RPS6KA2: variants seen among roughly 807,000 people sequenced by gnomAD.
The protein encoded by RPS6KA2 is ribosomal protein S6 kinase alpha-2.
In RPS6KA2, 42 loss-of-function variants were observed where a neutral mutation model predicts 91.8. That is an observed-to-expected ratio of 0.46 (90% CI 0.36 to 0.59). The LOEUF (loss-of-function observed/expected upper bound fraction) is 0.59. Ranked by LOEUF, RPS6KA2 falls within the 20% of genes least tolerant of loss-of-function variation. The pLI is 0.00. For synonymous variants in RPS6KA2, 414 were observed against 393.6 expected (o/e 1.05, Z -0.61); for missense variants, 798 against 978.5 (o/e 0.82, Z 2.46).
chr6:166,679,124 TAGG>T (rs1333314389), intron 2 of RPS6KA2, among the ~76,000 whole-genome samples: 3 of 152,118 alleles, frequency 2.0e-5, no homozygotes, highest in South Asian at 2.1e-4. Flanking sequence ...GGCTATTCAG[TAGG>T]AGATGTTGCT....
At chr6:166,492,732 T>C (rs930714819) in intron 8 of RPS6KA2, among the ~76,000 whole-genome samples, 157 of 145,106 alleles carry the variant, frequency 1.1e-3, no homozygotes, top group Non-Finnish European at 1.8e-3. Flanking sequence ...TTTTTTTTTT[T>C]TTTGAGATGG....
At chr6:166,795,750 G>A (rs1401677177) in intron 2 of RPS6KA2, among the ~76,000 whole-genome samples, 2 of 152,216 alleles carry the variant, frequency 1.3e-5, no homozygotes, top group Non-Finnish European at 2.9e-5. Context: ...GGTGCAGTGT[G>A]TGGGCACCGT....
intron 1 of RPS6KA2, among the ~76,000 whole-genome samples, chr6:166,583,487 G>A (rs1776642201): frequency 1.3e-5 from 2 of 152,204 alleles, no homozygotes; most frequent in South Asian, 2.1e-4. Context: ...AGCATCCTGC[G>A]CACCTTCTCT....
At chr6:166,514,432 G>A (rs1233867875) in intron 3 of RPS6KA2, among the ~76,000 whole-genome samples, 1 of 152,186 alleles carries the variant, frequency 6.6e-6, no homozygotes, top group Non-Finnish European at 1.5e-5. Flanking sequence ...CAGAGGAGGG[G>A]CTAAGCCTTA....
intron 1 of RPS6KA2, among the ~76,000 whole-genome samples, chr6:166,580,529 A>G (rs1359693035): frequency 2.6e-5 from 4 of 152,368 alleles, no homozygotes; most frequent in East Asian, 1.9e-4. Flanking sequence ...AAGAAAGTTT[A>G]CAAATTTGTG....
chr6:166,734,653 G>T (rs1790624159), intron 2 of RPS6KA2, among the ~76,000 whole-genome samples: 1 of 122,144 alleles, frequency 8.2e-6, no homozygotes, highest in South Asian at 2.2e-4. Flanking sequence ...AGCACTGCAA[G>T]AGTCACTGGG....
intron 2 of RPS6KA2, among the ~76,000 whole-genome samples, chr6:166,758,957 C>CA (rs1350729423): frequency 6.6e-6 from 1 of 152,142 alleles, no homozygotes; most frequent in Admixed American, 6.5e-5. Context: ...TGGGTTCTAC[C>CA]AAAACAACTT....
chr6:166,775,289 C>T (rs1187709469), intron 2 of RPS6KA2, among the ~76,000 whole-genome samples: 1 of 149,298 alleles, frequency 6.7e-6, no homozygotes, highest in East Asian at 2.0e-4. Flanking sequence ...TATGCACAGC[C>T]CTCAGGAGCT....
At chr6:166,702,920 G>A (rs1789568771) in intron 2 of RPS6KA2, 1 of 662,142 alleles carries the variant, frequency 1.5e-6, no homozygotes, top group Non-Finnish European at 2.7e-6. Flanking sequence ...GATCCAGCTG[G>A]TTTTGTTCCC....
At chr6:166,601,904 A>T (rs1785744399) in intron 1 of RPS6KA2, among the ~76,000 whole-genome samples, 3 of 152,384 alleles carry the variant, frequency 2.0e-5, no homozygotes, top group Admixed American at 2.0e-4. Flanking sequence ...CTGCATAAAA[A>T]TTTAAAACTT....
At chr6:166,414,041 G>C in intron 19 of RPS6KA2, 110 bp from the exon 20 acceptor site, 1 of 953,548 alleles carries the variant, frequency 1.0e-6, no homozygotes, top group Non-Finnish European at 1.6e-6. Flanking sequence ...CAACCACTAT[G>C]CTGAGTGTGG....
At chr6:166,468,856 TAAAAA>T (rs1554277712) in intron 11 of RPS6KA2, among the ~76,000 whole-genome samples, 3 of 112,180 alleles carry the variant, frequency 2.7e-5, no homozygotes, top group South Asian at 2.7e-4. Flanking sequence ...AGAGCGAGAC[TAAAAA>T]AAAAAAAAAA....
chr6:166,839,131 T>C (rs1485387989), intron 2 of RPS6KA2, among the ~76,000 whole-genome samples: 3 of 152,170 alleles, frequency 2.0e-5, no homozygotes, highest in Admixed American at 6.5e-5. Flanking sequence ...CACCACAACG[T>C]TTGTGGTGAT....
intron 1 of RPS6KA2, among the ~76,000 whole-genome samples, chr6:166,541,405 G>A (rs1783649317): frequency 6.6e-6 from 1 of 152,198 alleles, no homozygotes; most frequent in African/African-American, 2.4e-5. Context: ...TTTGTGGAGG[G>A]TCTGAGACCC....
intron 2 of RPS6KA2, among the ~76,000 whole-genome samples, chr6:166,641,400 A>G (rs978312272): frequency 2.6e-5 from 4 of 152,178 alleles, no homozygotes; most frequent in Non-Finnish European, 5.9e-5. Flanking sequence ...TAAAACTTTA[A>G]AATTGAAACA....
At chr6:166,535,977 G>T (rs1410313625) in intron 2 of RPS6KA2, among the ~76,000 whole-genome samples, 1 of 152,240 alleles carries the variant, frequency 6.6e-6, no homozygotes, top group African/African-American at 2.4e-5. Context: ...GCTTCGGAGA[G>T]CCTAAGCGGC....
intron 16 of RPS6KA2, among the ~76,000 whole-genome samples, chr6:166,424,409 G>T (rs1203276963): frequency 1.3e-5 from 2 of 152,232 alleles, no homozygotes; most frequent in African/African-American, 4.8e-5. Context: ...GTTTGGAGAT[G>T]ACTGCATTCT....
At chr6:166,532,507 C>G (rs1370920500) in intron 2 of RPS6KA2, among the ~76,000 whole-genome samples, 1 of 152,222 alleles carries the variant, frequency 6.6e-6, no homozygotes, top group South Asian at 2.1e-4. Flanking sequence ...ATCAGTGTCA[C>G]GCTCTCACCA....
chr6:166,721,405 C>T (rs1026556978), intron 2 of RPS6KA2, among the ~76,000 whole-genome samples: 2 of 152,204 alleles, frequency 1.3e-5, no homozygotes, highest in Non-Finnish European at 2.9e-5. Context: ...TGGGTCCTGA[C>T]GTGGCCACAG....
Sources: gnomAD v4.1 joint callset for allele counts (sites outside exome capture counted in the v4.1 genomes callset) on GRCh38, gnomAD v4.1.1 for gene constraint, MANE v1.5 for transcripts, NCBI Gene and HGNC (gene_info 2026-07-23, HGNC 2026-07-21) for gene names.